KCNQ1: variants seen among roughly 807,000 people sequenced by gnomAD.
The protein encoded by KCNQ1 is potassium voltage-gated channel subfamily Q member 1, also known as potassium voltage-gated channel subfamily KQT member 1.
KCNQ1 carries 49 observed loss-of-function variants against 72.4 expected under a neutral mutation model. The observed-to-expected ratio is 0.68, with a 90% CI of 0.54 to 0.86. KCNQ1 has a LOEUF of 0.86. Ranked by LOEUF, KCNQ1 falls within the 40% of genes least tolerant of loss-of-function variation. KCNQ1 has a pLI of 0.00. For missense variants in KCNQ1, 790 were observed against 945.1 expected, an observed-to-expected ratio of 0.84 and a Z score of 2.15; for synonymous variants, 450 against 412.6, an observed-to-expected ratio of 1.09 and a Z score of -1.10.
At chr11:2,806,097 T>C (rs965731143) in intron 15 of KCNQ1, among the ~76,000 whole-genome samples, 2 of 152,186 alleles carry the variant, frequency 1.3e-5, no homozygotes, top group Non-Finnish European at 2.9e-5. Flanking sequence ...GAGACAAACA[T>C]GGTCCCAGTT....
chr11:2,692,617 C>T lies in KCNQ1; in HGVS notation c.1514+30536C>T, dbSNP rs953761136. 15 of 398,756 alleles carry T rather than the reference C, an allele frequency of 3.8e-5. No individual in the cohort carries two copies. The South Asian group carries it at 1.8e-3, about 47-fold the overall frequency. The allele number at this position is 398,756 out of a possible 1,614,324, so 24.7% of individuals were successfully genotyped here. A position where few individuals can be genotyped will look rare whatever the true frequency, so the allele number is the denominator to read the frequency against. ...AGTTCCAGTGGGTTCCTGCTATACA[C>T]CTGCTGTGCTCCCAGGCCTCAGCAC... On this transcript the variant is annotated intron_variant, in intron 11 of 15. Transcript: ENST00000155840.
chr11:2,738,106 G>A (rs1455707082), intron 11 of KCNQ1, among the ~76,000 whole-genome samples: 1 of 152,128 alleles, frequency 6.6e-6, no homozygotes, highest in African/African-American at 2.4e-5. Flanking sequence ...GTCAGGGCAG[G>A]AAATGGAGAA....
Position 2,451,603 on chromosome 11 carries a change from G to A in KCNQ1, c.386+6119G>A, listed in dbSNP as rs957100193. Among the ~76,000 whole-genome samples the A allele has an allele frequency of 6.6e-5, 10 of 152,140 alleles. No individual in the cohort carries two copies. Among genetic ancestry groups the A allele is most frequent in the Non-Finnish European group, 1.5e-4 (10 of 68,018 alleles). ...CCAGGAGGGTCGTGGCTCCCTCATC[G>A]GCACCGGACTCTCAGGATGAGCCGC... On this transcript the variant is annotated intron_variant, in intron 1 of 15. Transcript: ENST00000155840. This position sits in a 1 kb window ranked among gnomAD's most constrained non-coding sequence, Gnocchi z 6.4.
At position 2,544,403 on chromosome 11, in the gene KCNQ1, T is replaced by C. The variant is rs1334383418; in HGVS notation, c.477+16385T>C. ...ATGTGTGCATATATGTGTATATATG[T>C]GTGTGTATATATATATATGGTTACA... is the stretch of plus-strand genomic sequence containing the variant. On this transcript the variant is annotated intron_variant, in intron 2 of 15. Transcript: ENST00000155840. This position sits in a 1 kb window ranked among gnomAD's most constrained non-coding sequence, Gnocchi z 4.4. Among the ~76,000 whole-genome samples the C allele has an allele frequency of 6.9e-6, 1 of 145,724 alleles. No homozygotes were observed. Among genetic ancestry groups the C allele is most frequent in the Non-Finnish European group, 1.5e-5 (1 of 67,474 alleles).
intron 6 of KCNQ1, among the ~76,000 whole-genome samples, chr11:2,574,844 C>T (rs143291644): frequency 7.9e-5 from 12 of 152,356 alleles, no homozygotes; most frequent in Admixed American, 2.0e-4. Flanking sequence ...GGCCTCTTCC[C>T]GCCTTCCTGG....
At position 2,595,733 on chromosome 11, in the gene KCNQ1, A is replaced by G. The variant is rs1268194175; in HGVS notation, c.1393+6879A>G. Among the ~76,000 whole-genome samples the G allele has an allele frequency of 6.6e-6, 1 of 152,216 alleles. No homozygotes were observed. Among genetic ancestry groups the G allele is most frequent in the East Asian group, 1.9e-4 (1 of 5,202 alleles). On this transcript the variant is annotated intron_variant, in intron 10 of 15. Transcript: ENST00000155840. This position sits in a 1 kb window ranked among gnomAD's most constrained non-coding sequence, Gnocchi z 5.0. ...TTGTTCTTATGGCTGCTAACACAAC[A>G]TCCATTCTGCAGCCCATAATCAAGG...
chr11:2,504,736 AAC>A (rs1415204024), intron 1 of KCNQ1, among the ~76,000 whole-genome samples: 1 of 152,168 alleles, frequency 6.6e-6, no homozygotes, highest in Admixed American at 6.5e-5. Flanking sequence ...CAGCCTGGGT[AAC>A]AGAGTGAGAC....
chr11:2,555,975 C>T (rs1848063940), intron 2 of KCNQ1, among the ~76,000 whole-genome samples: 1 of 152,200 alleles, frequency 6.6e-6, no homozygotes, highest in Non-Finnish European at 1.5e-5. Context: ...CTGGCCTGGC[C>T]TTGCTGATGA....
At position 2,564,453 on chromosome 11, in the gene KCNQ1, GGGTGT is replaced by G. The variant is rs907190011; in HGVS notation, c.478-6170_478-6166del. ...TACTAATAATACAAAAAGATTAGCCGGGTGTGGTGGTGGGTGCCTCTAATCCAGCT... is the reference window on the plus strand; with the variant it reads ...TACTAATAATACAAAAAGATTAGCCGGGTGGTGGGTGCCTCTAATCCAGCT... On this transcript the variant is annotated intron_variant, in intron 2 of 15. Transcript: ENST00000155840. The surrounding 1 kb of genome is among the most constrained non-coding windows in gnomAD (Gnocchi z 4.5). 1.3e-5 allele frequency among the ~76,000 whole-genome samples: 2 copies of G among 152,098 alleles called. No homozygotes were observed. Among genetic ancestry groups the G allele is most frequent in the Non-Finnish European group, 2.9e-5 (2 of 68,014 alleles).
In KCNQ1 at chr11:2,647,618, G is replaced by T. The variant is rs140861756; in HGVS notation, c.1394-14343G>T. 1 of 398,370 alleles carries T rather than the reference G, an allele frequency of 2.5e-6. No homozygotes were observed. The highest frequency in any genetic ancestry group is 3.6e-5 in the East Asian group (1 of 28,064). 24.7% of individuals were successfully genotyped at this position (398,370 alleles called of 1,614,324 possible). ...TTTGGTAGAATTCAGTAGAAAACCC[G>T]TGCAATCCTGAGGTTTTCTTTACTG... On this transcript the variant is annotated intron_variant, in intron 10 of 15. Coordinates refer to ENST00000155840, the MANE Select transcript of KCNQ1 (RefSeq NM_000218.3). This position sits in a 1 kb window ranked among gnomAD's most constrained non-coding sequence, Gnocchi z 4.0.
At chr11:2,511,838 G>T (rs1488088284) in intron 1 of KCNQ1, among the ~76,000 whole-genome samples, 1 of 152,144 alleles carries the variant, frequency 6.6e-6, no homozygotes, top group Non-Finnish European at 1.5e-5. Flanking sequence ...GGCCACATGC[G>T]GGCCCCTCAA....
chr11:2,796,229 G>A (rs1282976605), intron 15 of KCNQ1, among the ~76,000 whole-genome samples: 2 of 152,212 alleles, frequency 1.3e-5, no homozygotes, highest in Non-Finnish European at 2.9e-5. Flanking sequence ...CCCACCAGAA[G>A]CCAGCACGGC....
chr11:2,670,720 G>A lies in KCNQ1; in HGVS notation c.1514+8639G>A, dbSNP rs1850168426. ...GGATTCTGTGGCCCATGGAGCAGGA[G>A]GGAACAGTCTGCAGATATTATCTGG... On this transcript the variant is annotated intron_variant, in intron 11 of 15. Coordinates refer to ENST00000155840, the MANE Select transcript of KCNQ1 (RefSeq NM_000218.3). This position sits in a 1 kb window ranked among gnomAD's most constrained non-coding sequence, Gnocchi z 4.9. 2.5e-6 allele frequency: 1 copy of A among 398,526 alleles called. No individual in the cohort carries two copies. Among genetic ancestry groups the A allele is most frequent in the African/African-American group, 2.1e-5 (1 of 48,598 alleles). The allele number at this position is 398,526 out of a possible 1,614,324, so 24.7% of individuals were successfully genotyped here.
intron 10 of KCNQ1, chr11:2,628,446 T>C (rs140211482): frequency 2.5e-6 from 1 of 398,514 alleles, no homozygotes; most frequent in African/African-American, 2.1e-5. Flanking sequence ...TTTGAATAAA[T>C]GTCTATTCAG....
At chr11:2,730,213 G>A (rs1845831289) in intron 11 of KCNQ1, among the ~76,000 whole-genome samples, 1 of 152,238 alleles carries the variant, frequency 6.6e-6, no homozygotes, top group Non-Finnish European at 1.5e-5. Flanking sequence ...GAGGATGGCA[G>A]CTGGACCAGG....
At chr11:2,650,252 A>T (rs894005887) in intron 10 of KCNQ1, 3 of 398,162 alleles carry the variant, frequency 7.5e-6, no homozygotes, top group Admixed American at 4.4e-5. Context: ...TTTCCTTAAG[A>T]TTTCCTTTAC....
chr11:2,637,145 T>C (rs1001001008), intron 10 of KCNQ1: 15 of 152,222 alleles, frequency 9.9e-5, no homozygotes, highest in Non-Finnish European at 7.3e-5. Flanking sequence ...CCTGGATTCA[T>C]TGATTTTTTG....
chr11:2,619,144 T>A (rs1267338927), intron 10 of KCNQ1: 8 of 398,426 alleles, frequency 2.0e-5, no homozygotes, highest in Non-Finnish European at 3.1e-5. Context: ...TACTTCTTAC[T>A]TCCTGATTTG....
intron 15 of KCNQ1, among the ~76,000 whole-genome samples, chr11:2,837,387 G>A (rs1848092915): frequency 6.6e-6 from 1 of 152,090 alleles, no homozygotes; most frequent in Non-Finnish European, 1.5e-5. Context: ...AGGAGAGCCC[G>A]CTCCGCGCTC....
Sources: allele counts gnomAD v4.1 joint callset (sites outside exome capture counted in the v4.1 genomes callset), GRCh38; gene constraint gnomAD v4.1.1; non-coding constraint Gnocchi (gnomAD v3.1); transcripts MANE v1.5; gene names NCBI Gene and HGNC (gene_info 2026-07-23, HGNC 2026-07-21).